The following PPP1R16B variants were observed in gnomAD, a reference collection of about 807,000 sequenced individuals.
The protein encoded by PPP1R16B is protein phosphatase 1 regulatory subunit 16B, also known as protein phosphatase 1 regulatory inhibitor subunit 16B.
PPP1R16B carries 14 observed loss-of-function variants against 61.7 expected under a neutral mutation model. The ratio of observed to expected loss-of-function variants is 0.23; its 90% CI spans 0.15 to 0.35. The LOEUF is 0.35. PPP1R16B is among the 10% of genes least tolerant of loss of function. The pLI is 1.00. For synonymous variants in PPP1R16B, 266 were observed against 305.3 expected, an observed-to-expected ratio of 0.87 and a Z score of 1.34; for missense variants, 547 against 752.5, an observed-to-expected ratio of 0.73 and a Z score of 3.19.
intron 2 of PPP1R16B, among the ~76,000 whole-genome samples, chr20:38,853,852 G>A (rs2084984979): frequency 1.3e-5 from 2 of 152,172 alleles, no homozygotes; most frequent in African/African-American, 4.8e-5. Context: ...CCTTTATCCA[G>A]CATGATGGTC....
At chr20:38,909,281 C>T (rs1049095350) in intron 10 of PPP1R16B, among the ~76,000 whole-genome samples, 2 of 152,148 alleles carry the variant, frequency 1.3e-5, no homozygotes, top group Admixed American at 6.5e-5. Context: ...ATTACAGGTT[C>T]GAGCCACTGT....
chr20:38,874,505 G>A (rs538626562), intron 2 of PPP1R16B, among the ~76,000 whole-genome samples: 1 of 152,280 alleles, frequency 6.6e-6, no homozygotes, highest in Non-Finnish European at 1.5e-5. Context: ...AAATGGTGGG[G>A]TCTGAATTCT....
chr20:38,820,285 G>A (rs1322316656), intron 1 of PPP1R16B, among the ~76,000 whole-genome samples: 6 of 152,206 alleles, frequency 3.9e-5, no homozygotes, highest in African/African-American at 1.4e-4. Flanking sequence ...CTGGCCGGGC[G>A]CAGTGGCTCA....
chr20:38,907,803 C>T lies in PPP1R16B; in HGVS notation c.899-3C>T. 2 of 1,614,070 alleles carry T rather than the reference C, an allele frequency of 1.2e-6. No individual in the cohort carries two copies. The highest frequency in any genetic ancestry group is 1.7e-6 in the Non-Finnish European group (2 of 1,179,986). On this transcript the variant is annotated splice_region_variant and splice_polypyrimidine_tract_variant and intron_variant, in intron 8 of 10. Coordinates refer to ENST00000299824, the MANE Select transcript of PPP1R16B (RefSeq NM_015568.4). The surrounding 1 kb of genome is among the most constrained non-coding windows in gnomAD (Gnocchi z 4.5). ...CCCACAACAGACTCCTCTGCCCCTT[C>T]AGACCTGTGCGAGGAGGAAGAGTTC...
At chr20:38,883,124 C>A (rs79940672) in intron 2 of PPP1R16B, among the ~76,000 whole-genome samples, 1 of 152,180 alleles carries the variant, frequency 6.6e-6, no homozygotes, top group South Asian at 2.1e-4. Context: ...GTGAACCTGA[C>A]CCTGCAAGTC....
intron 10 of PPP1R16B, among the ~76,000 whole-genome samples, chr20:38,915,131 G>C (rs1364353807): frequency 6.6e-6 from 1 of 152,094 alleles, no homozygotes; most frequent in East Asian, 1.9e-4. Context: ...TGTTATCACT[G>C]ATGAGCCAAT....
chr20:38,809,146 A>T (rs1350201517), intron 1 of PPP1R16B, among the ~76,000 whole-genome samples: 2 of 151,870 alleles, frequency 1.3e-5, no homozygotes, highest in African/African-American at 4.8e-5. Context: ...GGACTCTCAA[A>T]GGTCCCACCT....
chr20:38,849,160 T>A (rs888898218), intron 2 of PPP1R16B, among the ~76,000 whole-genome samples: 3 of 152,196 alleles, frequency 2.0e-5, no homozygotes, highest in Non-Finnish European at 4.4e-5. Flanking sequence ...CTGTTTAATG[T>A]CTTAAAAGGA....
chr20:38,807,052 C>G (rs2084667113), intron 1 of PPP1R16B, among the ~76,000 whole-genome samples: 1 of 152,258 alleles, frequency 6.6e-6, no homozygotes, highest in South Asian at 2.1e-4. Flanking sequence ...CTGAATCACC[C>G]TCTGTGGAGG....
intron 1 of PPP1R16B, among the ~76,000 whole-genome samples, chr20:38,809,998 AAAAAAAAAC>A (rs1189801979): frequency 2.0e-4 from 30 of 151,670 alleles, no homozygotes; most frequent in African/African-American, 7.0e-4. Context: ...AAAAAAAAAA[AAAAAAAAAC>A]AAAACCAAAA....
chr20:38,864,297 T>A (rs1022874414), intron 2 of PPP1R16B, among the ~76,000 whole-genome samples: 5 of 152,204 alleles, frequency 3.3e-5, no homozygotes, highest in African/African-American at 1.2e-4. Flanking sequence ...AATACAATTT[T>A]AAAAAACTGA....
At chr20:38,817,724 A>G (rs1175579614) in intron 1 of PPP1R16B, among the ~76,000 whole-genome samples, 1 of 152,080 alleles carries the variant, frequency 6.6e-6, no homozygotes, top group Non-Finnish European at 1.5e-5. Flanking sequence ...CCAGGTGGAG[A>G]GAAAGAAGGG....
chr20:38,885,036 CAAAA>C (rs71330453), intron 2 of PPP1R16B, among the ~76,000 whole-genome samples: 1 of 67,816 alleles, frequency 1.5e-5, no homozygotes, highest in Non-Finnish European at 2.6e-5. Context: ...AACTCTGTCT[CAAAA>C]AAAAAAAAAA....
intron 1 of PPP1R16B, among the ~76,000 whole-genome samples, chr20:38,811,323 G>A (rs563271030): frequency 6.6e-6 from 1 of 152,176 alleles, no homozygotes; most frequent in Non-Finnish European, 1.5e-5. Flanking sequence ...TGGGGCCAGG[G>A]TTCAAATGCT....
chr20:38,835,429 T>C (rs117854622), intron 1 of PPP1R16B, among the ~76,000 whole-genome samples: 1 of 152,236 alleles, frequency 6.6e-6, no homozygotes, highest in Non-Finnish European at 1.5e-5. Context: ...GGCATGGTTC[T>C]TGTTAAATAG....
chr20:38,854,973 C>G (rs1176131372), intron 2 of PPP1R16B, among the ~76,000 whole-genome samples: 3 of 152,164 alleles, frequency 2.0e-5, no homozygotes, highest in African/African-American at 7.2e-5. Flanking sequence ...TTATTGCAGT[C>G]ATTTACACTT....
chr20:38,903,999 C>T (rs555540809), intron 6 of PPP1R16B, among the ~76,000 whole-genome samples: 36 of 152,304 alleles, frequency 2.4e-4, no homozygotes, highest in South Asian at 2.1e-3. Flanking sequence ...AGATAGGGCT[C>T]AGCAGTACCA....
At chr20:38,823,660 A>G (rs1258696560) in intron 1 of PPP1R16B, among the ~76,000 whole-genome samples, 2 of 151,868 alleles carry the variant, frequency 1.3e-5, no homozygotes, top group Non-Finnish European at 2.9e-5. Flanking sequence ...AACAAAACAA[A>G]TCCAAAAAAC....
intron 2 of PPP1R16B, among the ~76,000 whole-genome samples, chr20:38,881,197 A>C (rs1373763658): frequency 2.0e-5 from 3 of 152,140 alleles, no homozygotes; most frequent in Non-Finnish European, 4.4e-5. Flanking sequence ...ATGCAACTTG[A>C]CTGAGTCTCC....
Sources: allele counts gnomAD v4.1 joint callset (sites outside exome capture counted in the v4.1 genomes callset), GRCh38; gene constraint gnomAD v4.1.1; non-coding constraint Gnocchi (gnomAD v3.1); transcripts MANE v1.5; gene names NCBI Gene and HGNC (gene_info 2026-07-23, HGNC 2026-07-21).